Variants in WDPCP observed in about 807,000 individuals in gnomAD.
WDPCP encodes WD repeat-containing and planar cell polarity effector protein fritz homolog.
Under a neutral mutation model 93.1 loss-of-function variants are expected in WDPCP, and 71 were observed. That is an observed-to-expected ratio of 0.76 (90% CI 0.63 to 0.93). The LOEUF (loss-of-function observed/expected upper bound fraction) is 0.93. Ranked by LOEUF, WDPCP falls within the 40% of genes least tolerant of loss-of-function variation. The probability of loss-of-function intolerance (pLI) is 0.00; values close to 1 mark genes in which losing one functional copy is unlikely to be tolerated. For missense variants in WDPCP, 844 were observed against 887.4 expected, an observed-to-expected ratio of 0.95 and a Z score of 0.62; for synonymous variants, 315 against 315.0, an observed-to-expected ratio of 1.00 and a Z score of 0.00.
At chr2:63,461,780 A>G (rs889928509) in intron 6 of WDPCP, among the ~76,000 whole-genome samples, 1 of 152,212 alleles carries the variant, frequency 6.6e-6, no homozygotes, top group African/African-American at 2.4e-5. Flanking sequence ...TGTACCATTA[A>G]AAGTCTTCTT....
intron 8 of WDPCP, among the ~76,000 whole-genome samples, chr2:63,434,262 G>A (rs1366054564): frequency 6.6e-6 from 1 of 152,106 alleles, no homozygotes; most frequent in African/African-American, 2.4e-5. Context: ...TATGATTTAG[G>A]ACCAGCTGTA....
rs551243680 is a variant in WDPCP, at chr2:63,652,243, C to G, written n.309-1405G>C. Among the ~76,000 whole-genome samples the G allele has an allele frequency of 1.6e-3, 241 of 152,334 alleles. 1 individual carries two copies. Among genetic ancestry groups the G allele is most frequent in the Non-Finnish European group, 1.6e-3 (106 of 68,026 alleles). On this transcript the variant is annotated intron_variant and non_coding_transcript_variant, in intron 2 of 4. Coordinates refer to the WDPCP transcript ENST00000467687. ...ACCCACACAGACACAGACACAGACA[C>G]AATGTCCAGTTAACTTTGGAGGCTT...
chr2:63,339,893 C>T (rs1688712657), intron 12 of WDPCP, among the ~76,000 whole-genome samples: 1 of 152,008 alleles, frequency 6.6e-6, no homozygotes. Flanking sequence ...TGAGGGTTTT[C>T]AATCATAAAG....
At chr2:63,512,452 T>C (rs1302658094) in intron 1 of WDPCP, among the ~76,000 whole-genome samples, 2 of 152,244 alleles carry the variant, frequency 1.3e-5, no homozygotes, top group Non-Finnish European at 2.9e-5. Flanking sequence ...CTATGTTTAT[T>C]GCAGCACTAT....
chr2:63,727,955 G>A (rs1669513162), intron 2 of WDPCP, among the ~76,000 whole-genome samples: 1 of 151,902 alleles, frequency 6.6e-6, no homozygotes, highest in African/African-American at 2.4e-5. Context: ...TTTTTTGAAA[G>A]TAAGCAATTT....
chr2:63,728,915 G>A (rs1259775896), intron 2 of WDPCP, among the ~76,000 whole-genome samples: 1 of 152,144 alleles, frequency 6.6e-6, no homozygotes, highest in East Asian at 1.9e-4. Context: ...TTTAGGACCA[G>A]CACTAAGAGT....
At chr2:63,197,960 G>C (rs1167398761) in intron 14 of WDPCP, among the ~76,000 whole-genome samples, 5 of 152,166 alleles carry the variant, frequency 3.3e-5, no homozygotes, top group African/African-American at 4.8e-5. Context: ...CTAGGGATTA[G>C]AATGTGAACA....
intron 13 of WDPCP, among the ~76,000 whole-genome samples, chr2:63,285,772 T>C (rs540316961): frequency 1.3e-5 from 2 of 152,118 alleles, no homozygotes; most frequent in South Asian, 2.1e-4. Context: ...ATAGTAAAAA[T>C]AGATTTTCCT....
In WDPCP at chr2:63,231,791, A is replaced by T. The variant is rs5762458; in HGVS notation, c.1915+27516T>A. On this transcript the variant is annotated intron_variant, in intron 14 of 17. Coordinates refer to ENST00000272321, the MANE Select transcript of WDPCP (RefSeq NM_015910.7). Reference sequence around the variant, plus strand: ...TATAGATTCAATGCCATCCCCATCAAGCTACCATTGACTTTCTTCACAGAA... The same window carrying T: ...TATAGATTCAATGCCATCCCCATCATGCTACCATTGACTTTCTTCACAGAA... 1.1e-4 allele frequency among the ~76,000 whole-genome samples: 17 copies of T among 152,306 alleles called. No homozygotes were observed. In the South Asian group the frequency reaches 3.1e-3, roughly 28 times the overall value.
In WDPCP at chr2:63,433,875, T is replaced by C. The variant is rs1284717514; in HGVS notation, c.695A>G (p.Asn232Ser). The C allele has an allele frequency of 1.2e-6, 2 of 1,614,042 alleles. No homozygotes were observed. Among genetic ancestry groups the C allele is most frequent in the African/African-American group, 1.3e-5 (1 of 75,036 alleles). ...GCAAACAACTCTATCATGAACACAGTTGATAGCTAGATGTCGCTCTGTTGT... is the reference window on the plus strand; with the variant it reads ...GCAAACAACTCTATCATGAACACAGCTGATAGCTAGATGTCGCTCTGTTGT... ...NKTTERHLAI[N>S]CVHDRVVCWW... The change falls in exon 9 of 18, where the codon AAC becomes AGC. Residue 232 changes from asparagine (N) to serine (S), a missense_variant. By Grantham distance (46) the Asn-to-Ser change is conservative. Transcript: ENST00000272321.
In WDPCP at chr2:63,339,492, T is replaced by C. The variant is rs543263199; in HGVS notation, c.1749-26181A>G. ...ACAGCCTGATTTATTTTTTAGATTGTTTGCTGTTGGTATATATAAGCGCTG... is the reference window on the plus strand; with the variant it reads ...ACAGCCTGATTTATTTTTTAGATTGCTTGCTGTTGGTATATATAAGCGCTG... On this transcript the variant is annotated intron_variant, in intron 12 of 17. Coordinates refer to ENST00000272321, the MANE Select transcript of WDPCP (RefSeq NM_015910.7). Among the ~76,000 whole-genome samples the C allele has an allele frequency of 2.6e-4, 40 of 152,214 alleles. 1 individual carries two copies. The Middle Eastern group carries it at 0.01, about 39-fold the overall frequency.
chr2:63,456,721 A>G (rs1698646098), intron 6 of WDPCP, among the ~76,000 whole-genome samples: 1 of 152,138 alleles, frequency 6.6e-6, no homozygotes, highest in Admixed American at 6.5e-5. Context: ...ATGAAATGAA[A>G]AGTTGGTTCT....
rs1700455934 is a variant in WDPCP, at chr2:63,484,641, C to T, written c.347G>A (p.Cys116Tyr). 5 of 1,612,814 alleles carry T rather than the reference C, an allele frequency of 3.1e-6. No homozygotes were observed. The South Asian group carries it at 4.4e-5, about 14-fold the overall frequency. Residue 116 changes from cysteine to tyrosine, a missense_variant, in exon 6 of 18, where the codon TGT becomes TAT. By Grantham distance (194) the Cys-to-Tyr change is radical. Transcript: ENST00000272321. ...TTTGTTCTTCCATTTGCTCAGCACA[C>T]ACCGACTGTTTTGCATCAGCTCCTG... ...ELEELMQNSR[C>Y]VLSKWKNKYV...
chr2:63,600,301 T>C (rs951448174), intron 3 of WDPCP, among the ~76,000 whole-genome samples: 1 of 152,212 alleles, frequency 6.6e-6, no homozygotes, highest in African/African-American at 2.4e-5. Flanking sequence ...AGTAACCATA[T>C]GGGTATCTCA....
At chr2:63,484,297 T>G (rs1375210841) in intron 6 of WDPCP, among the ~76,000 whole-genome samples, 1 of 151,964 alleles carries the variant, frequency 6.6e-6, no homozygotes, top group Non-Finnish European at 1.5e-5. Flanking sequence ...AAAATATTAT[T>G]AAATCTATGC....
At chr2:63,599,418 T>C in intron 3 of WDPCP, 2 of 917,184 alleles carry the variant, frequency 2.2e-6, no homozygotes, top group Non-Finnish European at 3.1e-6. Flanking sequence ...CCTATTACTT[T>C]TATTAAATTA....
At chr2:63,474,732 T>G (rs1463097943) in intron 6 of WDPCP, among the ~76,000 whole-genome samples, 1 of 152,150 alleles carries the variant, frequency 6.6e-6, no homozygotes, top group Non-Finnish European at 1.5e-5. Flanking sequence ...CAGTGTTGGG[T>G]TCACGTGTTT....
chr2:63,693,632 G>T (rs1232699231), intron 2 of WDPCP, among the ~76,000 whole-genome samples: 1 of 152,058 alleles, frequency 6.6e-6, no homozygotes, highest in Admixed American at 6.6e-5. Context: ...GATCAGAACA[G>T]ACCCCCAAGG....
intron 2 of WDPCP, among the ~76,000 whole-genome samples, chr2:63,699,347 T>C (rs778114107): frequency 2.0e-5 from 3 of 152,230 alleles, no homozygotes; most frequent in Non-Finnish European, 1.5e-5. Context: ...CCATGTTCTT[T>C]CATATAATGT....
Sources: gnomAD v4.1 joint callset for allele counts (sites outside exome capture counted in the v4.1 genomes callset) on GRCh38, gnomAD v4.1.1 for gene constraint, MANE v1.5 for transcripts, NCBI Gene and HGNC (gene_info 2026-07-23, HGNC 2026-07-21) for gene names.